CSNK1G1: variants seen among roughly 807,000 people sequenced by gnomAD.
The protein encoded by CSNK1G1 is casein kinase I isoform gamma-1.
Under a neutral mutation model 59.6 loss-of-function variants are expected in CSNK1G1, and 22 were observed. The observed-to-expected ratio is 0.37, with a 90% CI of 0.26 to 0.53. CSNK1G1 has a LOEUF of 0.53. CSNK1G1 is among the 20% of genes least tolerant of loss of function. CSNK1G1 has a pLI of 0.89. For missense variants in CSNK1G1, 384 were observed against 519.5 expected (o/e 0.74, Z 2.54); for synonymous variants, 179 against 177.1 (o/e 1.01, Z -0.08).
chr15:64,327,733 G>A (rs569001462), intron 1 of CSNK1G1, among the ~76,000 whole-genome samples: 86 of 145,182 alleles, frequency 5.9e-4, no homozygotes, highest in East Asian at 5.8e-3. Flanking sequence ...TCTGAGCTAC[G>A]GGAGGACATT....
intron 11 of CSNK1G1, among the ~76,000 whole-genome samples, chr15:64,175,921 C>A (rs1225989491): frequency 6.6e-6 from 1 of 152,218 alleles, no homozygotes; most frequent in East Asian, 1.9e-4. Context: ...AAAACTGATA[C>A]AGTAATCTTG....
At chr15:64,221,157 G>A (rs1049616109) in intron 4 of CSNK1G1, among the ~76,000 whole-genome samples, 3 of 152,104 alleles carry the variant, frequency 2.0e-5, no homozygotes, top group South Asian at 2.1e-4. Flanking sequence ...TACTCCATTC[G>A]TTGGTTAAAT....
At chr15:64,194,509 TTTC>T (rs1412592749) in intron 10 of CSNK1G1, among the ~76,000 whole-genome samples, 13 of 146,644 alleles carry the variant, frequency 8.9e-5, no homozygotes, top group African/African-American at 3.4e-4. Context: ...CTTCTTTTCT[TTTC>T]TTTTCTTTTT....
At chr15:64,331,908 A>C (rs1469535411) in intron 1 of CSNK1G1, among the ~76,000 whole-genome samples, 3 of 149,344 alleles carry the variant, frequency 2.0e-5, no homozygotes, top group Non-Finnish European at 4.5e-5. Flanking sequence ...ATGCAGCCAA[A>C]AAACACATGA....
intron 1 of CSNK1G1, among the ~76,000 whole-genome samples, chr15:64,307,939 G>T (rs558491798): frequency 1.3e-5 from 2 of 152,178 alleles, no homozygotes; most frequent in Admixed American, 1.3e-4. Flanking sequence ...ACCCGCCTCA[G>T]CCTCCCAAAG....
chr15:64,290,380 AACT>A (rs1482769924), intron 2 of CSNK1G1, among the ~76,000 whole-genome samples: 3 of 152,120 alleles, frequency 2.0e-5, no homozygotes, highest in African/African-American at 4.8e-5. Flanking sequence ...ACAGGCAATG[AACT>A]ACTATTCCGC....
At chr15:64,312,347 T>C (rs776007709) in intron 1 of CSNK1G1, among the ~76,000 whole-genome samples, 42 of 152,218 alleles carry the variant, frequency 2.8e-4, no homozygotes, top group Non-Finnish European at 5.1e-4. Flanking sequence ...CTACCTGACT[T>C]CAAACTATAC....
chr15:64,264,807 T>C (rs1892894728), intron 2 of CSNK1G1, among the ~76,000 whole-genome samples: 2 of 152,146 alleles, frequency 1.3e-5, no homozygotes, highest in Non-Finnish European at 2.9e-5. Context: ...AAAAGACATT[T>C]GATAAAATTC....
chr15:64,165,929 GAGA>G lies in CSNK1G1; in HGVS notation c.*5999_*6001del, dbSNP rs1295853036. The G allele has an allele frequency of 3.3e-5, 20 of 597,146 alleles. No homozygotes were observed. The highest frequency in any genetic ancestry group is 5.9e-5 in the South Asian group (3 of 50,640). The allele number at this position is 597,146 out of a possible 1,614,324, so 37.0% of individuals were successfully genotyped here. On this transcript the variant is annotated 3_prime_UTR_variant, in exon 12 of 12. Coordinates refer to ENST00000303052, the MANE Select transcript of CSNK1G1 (RefSeq NM_022048.5). ...TCCAAAGAAGGCTACTTCCTCTGCAGAGAAGATTTTCCTAATGGTGCACAAATA... is the reference window on the plus strand; with the variant it reads ...TCCAAAGAAGGCTACTTCCTCTGCAGAGATTTTCCTAATGGTGCACAAATA...
intron 10 of CSNK1G1, chr15:64,195,065 A>T (rs1373921767): frequency 6.6e-6 from 1 of 152,242 alleles, no homozygotes; most frequent in Non-Finnish European, 1.5e-5. Context: ...GAGAATTTGC[A>T]AGGGAACAGT....
At chr15:64,274,180 A>G (rs1249105487) in intron 2 of CSNK1G1, among the ~76,000 whole-genome samples, 5 of 152,164 alleles carry the variant, frequency 3.3e-5, no homozygotes, top group African/African-American at 1.2e-4. Context: ...AGGTGACTTG[A>G]TAAGTCTCCT....
At chr15:64,339,975 C>T (rs1474325883) in intron 1 of CSNK1G1, among the ~76,000 whole-genome samples, 1 of 152,190 alleles carries the variant, frequency 6.6e-6, no homozygotes, top group African/African-American at 2.4e-5. Context: ...TTTTAATTAA[C>T]ATTCAGTGTT....
chr15:64,315,837 G>A (rs890150776), intron 1 of CSNK1G1: 1 of 151,936 alleles, frequency 6.6e-6, no homozygotes, highest in Non-Finnish European at 1.5e-5. Flanking sequence ...TTCCTCCCTC[G>A]AGAGACTTAA....
intron 1 of CSNK1G1, among the ~76,000 whole-genome samples, chr15:64,354,587 A>G (rs1898532073): frequency 6.6e-6 from 1 of 152,144 alleles, no homozygotes; most frequent in African/African-American, 2.4e-5. Context: ...TCGAGAAGAC[A>G]CTGAAAGTCC....
At chr15:64,307,386 A>G (rs1895735631) in intron 1 of CSNK1G1, among the ~76,000 whole-genome samples, 1 of 152,146 alleles carries the variant, frequency 6.6e-6, no homozygotes, top group African/African-American at 2.4e-5. Flanking sequence ...AGGAAGCTAT[A>G]TTACAAAACC....
intron 2 of CSNK1G1, among the ~76,000 whole-genome samples, chr15:64,280,911 A>C (rs1227255712): frequency 6.7e-6 from 1 of 149,418 alleles, no homozygotes; most frequent in African/African-American, 2.5e-5. Context: ...ACAGAGTCTC[A>C]CTCTGTTGCC....
intron 10 of CSNK1G1, chr15:64,189,564 C>A: frequency 1.1e-6 from 1 of 881,580 alleles, no homozygotes; most frequent in Non-Finnish European, 1.5e-6. Flanking sequence ...ATATAAACAG[C>A]TGCAGGGGTT....
intron 6 of CSNK1G1, among the ~76,000 whole-genome samples, chr15:64,213,374 G>T (rs903331831): frequency 2.0e-5 from 3 of 152,128 alleles, no homozygotes; most frequent in African/African-American, 7.2e-5. Flanking sequence ...AACAATATTT[G>T]TGCAGGTTGT....
chr15:64,319,637 C>A (rs915382995), intron 1 of CSNK1G1, among the ~76,000 whole-genome samples: 1 of 152,164 alleles, frequency 6.6e-6, no homozygotes, highest in Non-Finnish European at 1.5e-5. Flanking sequence ...CTCTGCCTCC[C>A]AGGTTCAAGC....
Sources: gnomAD v4.1 joint callset for allele counts (sites outside exome capture counted in the v4.1 genomes callset) on GRCh38, gnomAD v4.1.1 for gene constraint, MANE v1.5 for transcripts, NCBI Gene and HGNC (gene_info 2026-07-23, HGNC 2026-07-21) for gene names.